RBFOX2: variants seen among roughly 807,000 people sequenced by gnomAD.
RBFOX2 encodes the protein RNA binding fox-1 homolog 2.
RBFOX2 carries 10 observed loss-of-function variants against 49.1 expected under a neutral mutation model. The observed-to-expected ratio is 0.20, with a 90% CI of 0.13 to 0.35. The LOEUF (loss-of-function observed/expected upper bound fraction) is 0.35. Among genes scored for constraint, RBFOX2 ranks in the 10% least tolerant of loss-of-function variants. RBFOX2 has a pLI of 1.00. For missense variants in RBFOX2, 323 were observed against 486.9 expected, an observed-to-expected ratio of 0.66 and a Z score of 3.17; for synonymous variants, 183 against 187.4, an observed-to-expected ratio of 0.98 and a Z score of 0.19.
chr22:35,941,095 AT>A (rs2053642974), upstream of RBFOX2, among the ~76,000 whole-genome samples: 1 of 152,216 alleles, frequency 6.6e-6, no homozygotes, highest in South Asian at 2.1e-4. Context: ...ATTATATCTC[AT>A]TAAATCTGTT....
chr22:35,992,706 T>A (rs2058033628), intron 1 of RBFOX2: 1 of 152,194 alleles, frequency 6.6e-6, no homozygotes, highest in Non-Finnish European at 1.5e-5. Context: ...GGGTCATTTA[T>A]CCAATACGTC....
At chr22:35,829,115 A>G (rs1956337790) in intron 1 of RBFOX2, among the ~76,000 whole-genome samples, 1 of 152,208 alleles carries the variant, frequency 6.6e-6, no homozygotes, top group Admixed American at 6.5e-5. Context: ...AACTTTTTCT[A>G]AGAAACGCAG....
At chr22:35,944,960 CA>C (rs1264716124) in intron 1 of RBFOX2, among the ~76,000 whole-genome samples, 1 of 151,886 alleles carries the variant, frequency 6.6e-6, no homozygotes, top group Non-Finnish European at 1.5e-5. Flanking sequence ...ACAACGACAA[CA>C]AAAAAACAAA....
intron 1 of RBFOX2, among the ~76,000 whole-genome samples, chr22:35,849,945 T>G (rs1161311736): frequency 6.6e-6 from 1 of 151,900 alleles, no homozygotes; most frequent in African/African-American, 2.4e-5. Context: ...AACCAGAAAC[T>G]CAAGAGGCAG....
chr22:35,850,602 C>A (rs1211839484), intron 1 of RBFOX2, among the ~76,000 whole-genome samples: 2 of 152,268 alleles, frequency 1.3e-5, no homozygotes, highest in East Asian at 3.9e-4. Flanking sequence ...AAGCCAGTTG[C>A]TTTTCTCCTT....
chr22:35,898,388 T>A, intron 1 of RBFOX2: 2 of 563,836 alleles, frequency 3.5e-6, no homozygotes, highest in Non-Finnish European at 6.5e-6. Context: ...AACCCGGGAT[T>A]GTGCAGCGGC....
At chr22:35,774,320 T>A (rs1943381819) in intron 4 of RBFOX2, among the ~76,000 whole-genome samples, 2 of 152,076 alleles carry the variant, frequency 1.3e-5, no homozygotes, top group South Asian at 4.1e-4. Flanking sequence ...ACTGGTGAAA[T>A]CTGGAGAATT....
intron 2 of RBFOX2, among the ~76,000 whole-genome samples, chr22:35,805,083 C>T (rs1265783972): frequency 2.0e-5 from 3 of 151,766 alleles, no homozygotes; most frequent in Non-Finnish European, 2.9e-5. Context: ...GTCAGGAGAT[C>T]GAGACCATCC....
intron 1 of RBFOX2, among the ~76,000 whole-genome samples, chr22:35,865,193 T>C (rs1428216661): frequency 6.6e-6 from 1 of 152,164 alleles, no homozygotes. Context: ...CCTGGCATGA[T>C]TAATAAGATT....
chr22:35,743,458 A>C (rs1569193922), exon 12 of RBFOX2: 1 of 152,214 alleles, frequency 6.6e-6, no homozygotes, highest in Admixed American at 6.5e-5. Context: ...TCATTCTGAG[A>C]TCGGTTTCCT....
At chr22:35,793,297 C>CG (rs1200905523) in intron 2 of RBFOX2, among the ~76,000 whole-genome samples, 1 of 152,078 alleles carries the variant, frequency 6.6e-6, no homozygotes, top group Non-Finnish European at 1.5e-5. Context: ...CGCTTGAACC[C>CG]GGGGGGCAGA....
intron 1 of RBFOX2, among the ~76,000 whole-genome samples, chr22:35,863,136 C>T (rs879716954): frequency 1.3e-4 from 20 of 151,844 alleles, no homozygotes; most frequent in Non-Finnish European, 2.4e-4. Flanking sequence ...AGGGCATTTA[C>T]GTTATTTTTG....
chr22:35,952,158 C>T lies in RBFOX2; in HGVS notation c.42+9405G>A, dbSNP rs2055015920. On this transcript the variant is annotated intron_variant, in intron 1 of 5. Transcript: ENST00000408983. ...TAACAAGCTTCCCTGGTAGACAACA[C>T]TGTTACAACTTACTGCTGGAGGAAT... Among the ~76,000 whole-genome samples the T allele has an allele frequency of 2.0e-5, 3 of 152,198 alleles. No homozygotes were observed. In the South Asian group the frequency reaches 6.2e-4, roughly 32 times the overall value.
At chr22:35,928,054 C>T (rs1428686816) in intron 1 of RBFOX2, among the ~76,000 whole-genome samples, 1 of 152,062 alleles carries the variant, frequency 6.6e-6, no homozygotes, top group African/African-American at 2.4e-5. Context: ...TATTTACATG[C>T]CAAGAAATTT....
At chr22:35,855,533 G>T (rs763219282) in intron 1 of RBFOX2, among the ~76,000 whole-genome samples, 1 of 151,992 alleles carries the variant, frequency 6.6e-6, no homozygotes, top group Non-Finnish European at 1.5e-5. Context: ...AACCTCCCAA[G>T]TAGATGGAAC....
chr22:35,894,757 T>C (rs2047637367), intron 1 of RBFOX2, among the ~76,000 whole-genome samples: 2 of 152,112 alleles, frequency 1.3e-5, no homozygotes, highest in African/African-American at 4.8e-5. Context: ...ACCTCGCAGC[T>C]TTCCACTCCT....
intron 1 of RBFOX2, among the ~76,000 whole-genome samples, chr22:35,934,480 G>A (rs1468447327): frequency 6.6e-6 from 1 of 152,094 alleles, no homozygotes; most frequent in Admixed American, 6.6e-5. Context: ...ACCTGGGACT[G>A]TTTGAAACTA....
At chr22:35,830,330 G>C (rs999591198) in intron 1 of RBFOX2, among the ~76,000 whole-genome samples, 1 of 152,200 alleles carries the variant, frequency 6.6e-6, no homozygotes, top group Admixed American at 6.5e-5. Context: ...GAAGCACAGA[G>C]GGACAACTGT....
chr22:35,765,624 T>C (rs997949542), intron 5 of RBFOX2, 141 bp from the exon 7 acceptor site: 19 of 426,142 alleles, frequency 4.5e-5, no homozygotes, highest in Non-Finnish European at 7.5e-5. Context: ...CACAGCAATA[T>C]AAAATATTAA....
Sources: gnomAD v4.1 joint callset for allele counts (sites outside exome capture counted in the v4.1 genomes callset) on GRCh38, gnomAD v4.1.1 for gene constraint, MANE v1.5 for transcripts, NCBI Gene and HGNC (gene_info 2026-07-23, HGNC 2026-07-21) for gene names.